TMEM135: variants seen among roughly 807,000 people sequenced by gnomAD.
The protein encoded by TMEM135 is peroxisomal membrane protein 52.
TMEM135 carries 30 observed loss-of-function variants against 60.3 expected under a neutral mutation model. The ratio of observed to expected loss-of-function variants is 0.50; its 90% confidence interval spans 0.37 to 0.68. The LOEUF is 0.68. Among genes scored for constraint, TMEM135 ranks in the 30% least tolerant of loss-of-function variants. TMEM135 has a pLI of 0.00. For missense variants in TMEM135, 468 were observed against 548.8 expected (o/e 0.85, Z 1.47); for synonymous variants, 190 against 186.7 (o/e 1.02, Z -0.14).
intron 5 of TMEM135, among the ~76,000 whole-genome samples, chr11:87,180,707 G>A (rs1021741672): frequency 4.6e-5 from 7 of 152,150 alleles, no homozygotes; most frequent in Non-Finnish European, 8.8e-5. Flanking sequence ...TTGGGAAACT[G>A]AATTGACTTT....
At chr11:87,162,971 G>A (rs1368852390) in intron 5 of TMEM135, among the ~76,000 whole-genome samples, 1 of 149,962 alleles carries the variant, frequency 6.7e-6, no homozygotes. Context: ...CTAATGACCA[G>A]TGATGATGAG....
chr11:87,327,340 A>C lies in TMEM135; in HGVS notation c.*6007A>C. Reference sequence around the variant, plus strand: ...TTGCAGACATGAAATGAAAAGTACAAACATGAAAAACCAGCATATTAAAGA... The same window carrying C: ...TTGCAGACATGAAATGAAAAGTACACACATGAAAAACCAGCATATTAAAGA... On this transcript the variant is annotated 3_prime_UTR_variant, in exon 15 of 15. Coordinates refer to ENST00000305494, the MANE Select transcript of TMEM135 (RefSeq NM_022918.4). 2.2e-6 allele frequency: 1 copy of C among 453,988 alleles called. No homozygotes were observed. The highest frequency in any genetic ancestry group is 4.4e-6 in the Non-Finnish European group (1 of 226,780). 28.1% of individuals were successfully genotyped at this position (453,988 alleles called of 1,614,324 possible).
At chr11:87,057,601 G>A (rs952380627) in intron 1 of TMEM135, among the ~76,000 whole-genome samples, 2 of 152,182 alleles carry the variant, frequency 1.3e-5, no homozygotes, top group African/African-American at 4.8e-5. Flanking sequence ...AATCATATGA[G>A]ATAGTGCACA....
Position 87,313,434 on chromosome 11 carries a change from T to C in TMEM135, c.946T>C (p.Cys316Arg). 6.2e-7 allele frequency: 1 copy of C among 1,611,058 alleles called. No individual in the cohort carries two copies. Among genetic ancestry groups the C allele is most frequent in the Non-Finnish European group, 8.5e-7 (1 of 1,177,756 alleles). The change falls in exon 11 of 15, where the codon TGC becomes CGC. Residue 316 changes from cysteine (C) to arginine (R), a missense_variant. By Grantham distance (180) the Cys-to-Arg change is radical. Coordinates refer to ENST00000305494, the MANE Select transcript of TMEM135 (RefSeq NM_022918.4). ...TTTTCTCCTTAACTAGGGTACTAGT[T>C]GCTTCCTGCGCTGGATCAGAAACTT... ...SFVSIYKGTS[C>R]FLRWIRNLDD...
At chr11:87,235,370 A>G (rs764708367) in intron 5 of TMEM135, among the ~76,000 whole-genome samples, 1 of 151,812 alleles carries the variant, frequency 6.6e-6, no homozygotes, top group Non-Finnish European at 1.5e-5. Flanking sequence ...ATAAATATAT[A>G]TAATATTTAC....
chr11:87,327,241 G>C lies in TMEM135; in HGVS notation c.*5908G>C, dbSNP rs1205985874. On this transcript the variant is annotated 3_prime_UTR_variant, in exon 15 of 15. Coordinates refer to ENST00000305494, the MANE Select transcript of TMEM135 (RefSeq NM_022918.4). ...ATCTTCCCTCTCTGCTTAAAGGAAAGTTCTTTTTACCTCTTTTTCTCTTGT... is the reference window on the plus strand; with the variant it reads ...ATCTTCCCTCTCTGCTTAAAGGAAACTTCTTTTTACCTCTTTTTCTCTTGT... 2.2e-6 allele frequency: 1 copy of C among 454,036 alleles called. No homozygotes were observed. Among genetic ancestry groups the C allele is most frequent in the Admixed American group, 2.3e-5 (1 of 42,566 alleles). The allele number at this position is 454,036 out of a possible 1,614,324, so 28.1% of individuals were successfully genotyped here.
intron 5 of TMEM135, among the ~76,000 whole-genome samples, chr11:87,206,140 T>C (rs749287191): frequency 6.6e-6 from 1 of 152,176 alleles, no homozygotes; most frequent in Non-Finnish European, 1.5e-5. Context: ...TTTTATGAAG[T>C]TAAGAAATGA....
chr11:87,196,775 C>CA (rs113182670), intron 5 of TMEM135, among the ~76,000 whole-genome samples: 32,346 of 151,986 alleles, frequency 0.21, 4,019 homozygotes, highest in East Asian at 0.54. Flanking sequence ...CATGAACTTT[C>CA]AGACTTTAAC....
chr11:87,320,081 T>C (rs2038237583), intron 14 of TMEM135, among the ~76,000 whole-genome samples: 1 of 152,196 alleles, frequency 6.6e-6, no homozygotes, highest in Non-Finnish European at 1.5e-5. Context: ...TTAATAATAA[T>C]AGCAAATACT....
At chr11:87,289,107 C>G (rs1306245372) in intron 6 of TMEM135, among the ~76,000 whole-genome samples, 1 of 152,104 alleles carries the variant, frequency 6.6e-6, no homozygotes, top group Non-Finnish European at 1.5e-5. Flanking sequence ...AAAAAAATTC[C>G]ATATTGTCTG....
At chr11:87,197,306 G>T (rs1939982562) in intron 5 of TMEM135, among the ~76,000 whole-genome samples, 1 of 151,996 alleles carries the variant, frequency 6.6e-6, no homozygotes, top group Non-Finnish European at 1.5e-5. Flanking sequence ...TTTAATGCAA[G>T]AAATTCTAAT....
At chr11:87,148,189 TTACTA>T (rs1436113903) in intron 4 of TMEM135, among the ~76,000 whole-genome samples, 2 of 152,210 alleles carry the variant, frequency 1.3e-5, no homozygotes, top group Admixed American at 1.3e-4. Flanking sequence ...AATCAAGAAT[TTACTA>T]TAGGTAAATT....
intron 5 of TMEM135, among the ~76,000 whole-genome samples, chr11:87,222,994 A>G (rs1475029766): frequency 2.0e-5 from 3 of 152,164 alleles, no homozygotes; most frequent in Non-Finnish European, 4.4e-5. Flanking sequence ...AAAGCACAGA[A>G]AATGAAGTTT....
At chr11:87,072,835 A>G (rs1385185927) in intron 3 of TMEM135, among the ~76,000 whole-genome samples, 2 of 152,222 alleles carry the variant, frequency 1.3e-5, no homozygotes, top group Non-Finnish European at 2.9e-5. Flanking sequence ...GTTTTGCCAT[A>G]AGAAAATACT....
chr11:87,250,728 T>A (rs1941398225), intron 6 of TMEM135, among the ~76,000 whole-genome samples: 1 of 152,176 alleles, frequency 6.6e-6, no homozygotes, highest in African/African-American at 2.4e-5. Flanking sequence ...TGCTTAAAAA[T>A]ACATAAGAAC....
rs2276102 is a variant in TMEM135 at position 87,302,396 on chromosome 11, G to A, written c.652G>A (p.Gly218Arg). 0.67 allele frequency: 1,073,034 copies of A among 1,613,250 alleles called. 360,562 individuals carry two copies. The highest frequency in any genetic ancestry group is 0.69 in the Non-Finnish European group (812,100 of 1,179,576). The part of the protein sequence containing the change: ...QKREQHEEKP[G>R]RMNMIGLVRK... ...GAGAGAGCAACATGAGGAAAAACCCGGAAGAATGAATATGATTGGTCTAGT... is the reference window on the plus strand; with the variant it reads ...GAGAGAGCAACATGAGGAAAAACCCAGAAGAATGAATATGATTGGTCTAGT... Residue 218 changes from glycine to arginine, a missense_variant, in exon 8 of 15, where the codon GGA becomes AGA. Coordinates refer to ENST00000305494, the MANE Select transcript of TMEM135 (RefSeq NM_022918.4).
At chr11:87,254,882 T>G (rs1162467725) in intron 6 of TMEM135, among the ~76,000 whole-genome samples, 1 of 152,082 alleles carries the variant, frequency 6.6e-6, no homozygotes, top group South Asian at 2.1e-4. Flanking sequence ...AGCTCATTCC[T>G]GTAATTCCAG....
intron 6 of TMEM135, among the ~76,000 whole-genome samples, chr11:87,290,279 CATTTTATAT>C (rs138755904): frequency 0.066 from 10,004 of 152,034 alleles, 722 homozygotes; most frequent in African/African-American, 0.17. Context: ...AAAATATAAA[CATTTTATAT>C]TGAATGGATT....
intron 4 of TMEM135, among the ~76,000 whole-genome samples, chr11:87,125,754 A>G (rs1325375040): frequency 1.3e-5 from 2 of 152,200 alleles, no homozygotes; most frequent in Non-Finnish European, 2.9e-5. Context: ...AAGTAATTGT[A>G]AAGGGGATGG....
Sources: allele counts gnomAD v4.1 joint callset (sites outside exome capture counted in the v4.1 genomes callset), GRCh38; gene constraint gnomAD v4.1.1; transcripts MANE v1.5; gene names NCBI Gene and HGNC (gene_info 2026-07-23, HGNC 2026-07-21).